The following GARIN1A variants were observed in gnomAD, a reference collection of about 807,000 sequenced individuals.
GARIN1A encodes the protein Golgi-associated RAB2 interactor protein 1A.
the GARIN1A span, among the ~76,000 whole-genome samples, chr7:128,694,659 G>T: frequency 3.3e-5 from 5 of 152,134 alleles, no homozygotes; most frequent in African/African-American, 4.8e-5. Context: ...CTGGTCACAA[G>T]AATTTTTCCT....
At chr7:128,708,352 T>C in the GARIN1A span, among the ~76,000 whole-genome samples, 1 of 152,080 alleles carries the variant, frequency 6.6e-6, no homozygotes, top group South Asian at 2.1e-4. Context: ...TAAGGCTGAG[T>C]GTCTCCTGAA....
the GARIN1A span, among the ~76,000 whole-genome samples, chr7:128,676,346 C>T: frequency 6.6e-6 from 1 of 152,016 alleles, no homozygotes; most frequent in Non-Finnish European, 1.5e-5. Flanking sequence ...AAGCACTGTG[C>T]TTCGTGCTGG....
chr7:128,689,504 C>T, the GARIN1A span, among the ~76,000 whole-genome samples: 1 of 149,328 alleles, frequency 6.7e-6, no homozygotes, highest in African/African-American at 2.5e-5. Context: ...AAGTGAGGAG[C>T]CCCTCCGCCC....
chr7:128,688,694 A>AC, the GARIN1A span, among the ~76,000 whole-genome samples: 3 of 150,138 alleles, frequency 2.0e-5, no homozygotes, highest in Non-Finnish European at 4.4e-5. Flanking sequence ...TCCTCTGAGT[A>AC]CCATTCCTAC....
At chr7:128,677,952 G>C in the GARIN1A span, 1 of 648,242 alleles carries the variant, frequency 1.5e-6, no homozygotes, top group East Asian at 3.1e-5. Context: ...TTTCTATTCA[G>C]TAGTATGAAT....
At chr7:128,686,177 C>T in the GARIN1A span, 1 of 152,172 alleles carries the variant, frequency 6.6e-6, no homozygotes, top group Non-Finnish European at 1.5e-5. Flanking sequence ...GGCGCCACCG[C>T]ACTCCAGCCT....
chr7:128,674,145 G>A, the GARIN1A span, among the ~76,000 whole-genome samples: 1 of 152,046 alleles, frequency 6.6e-6, no homozygotes, highest in Non-Finnish European at 1.5e-5. Context: ...TGCCCGCCTT[G>A]GCCTCCCAAA....
the GARIN1A span, among the ~76,000 whole-genome samples, chr7:128,673,912 T>A: frequency 6.6e-6 from 1 of 152,136 alleles, no homozygotes; most frequent in African/African-American, 2.4e-5. Context: ...TCTCTTAATG[T>A]GTGCTTTTTT....
At chr7:128,707,385 C>T in the GARIN1A span, among the ~76,000 whole-genome samples, 1 of 152,124 alleles carries the variant, frequency 6.6e-6, no homozygotes, top group Non-Finnish European at 1.5e-5. Flanking sequence ...ACTTTGTACT[C>T]TTTGACCATC....
At chr7:128,702,761 A>G in the GARIN1A span, among the ~76,000 whole-genome samples, 1 of 152,248 alleles carries the variant, frequency 6.6e-6, no homozygotes, top group South Asian at 2.1e-4. Context: ...AGAGATTGTC[A>G]GATCAGCTTT....
the GARIN1A span, chr7:128,680,040 A>G: frequency 6.4e-7 from 1 of 1,563,364 alleles, no homozygotes; most frequent in Non-Finnish European, 8.7e-7. Flanking sequence ...GCCTGAAAAC[A>G]GCCTCCTGTC....
the GARIN1A span, among the ~76,000 whole-genome samples, chr7:128,689,667 CT>C: frequency 6.6e-6 from 1 of 150,932 alleles, no homozygotes; most frequent in Non-Finnish European, 1.5e-5. Context: ...TGAGGAGCCC[CT>C]CCGCCCGACA....
At chr7:128,677,605 G>A in the GARIN1A span, 1,562 of 1,612,860 alleles carry the variant, frequency 9.7e-4, 1 homozygote, top group Non-Finnish European at 1.2e-3. Flanking sequence ...ATCTACGACC[G>A]GCTCCAGCGC....
the GARIN1A span, among the ~76,000 whole-genome samples, chr7:128,694,303 G>T: frequency 3.3e-5 from 5 of 151,898 alleles, no homozygotes; most frequent in African/African-American, 4.8e-5. Context: ...AGGCTGAGGC[G>T]GGCGGATCAC....
chr7:128,683,745 G>C, the GARIN1A span: 1 of 152,316 alleles, frequency 6.6e-6, no homozygotes, highest in Non-Finnish European at 1.5e-5. Flanking sequence ...TAGGATTACA[G>C]GCGTGAGCCA....
At chr7:128,702,297 G>A in the GARIN1A span, among the ~76,000 whole-genome samples, 1 of 152,128 alleles carries the variant, frequency 6.6e-6, no homozygotes, top group Non-Finnish European at 1.5e-5. Flanking sequence ...TCTCTAAAAG[G>A]TAAAGCAAAA....
the GARIN1A span, among the ~76,000 whole-genome samples, chr7:128,708,302 T>C: frequency 6.6e-6 from 1 of 151,892 alleles, no homozygotes; most frequent in South Asian, 2.1e-4. Context: ...GTTGGGATTA[T>C]AGGTGTGAGT....
chr7:128,693,108 A>G, the GARIN1A span, among the ~76,000 whole-genome samples: 1 of 152,242 alleles, frequency 6.6e-6, no homozygotes, highest in Admixed American at 6.5e-5. Flanking sequence ...GAACAAATCG[A>G]TTTATTTCCC....
the GARIN1A span, among the ~76,000 whole-genome samples, chr7:128,675,307 C>T: frequency 6.6e-6 from 1 of 152,220 alleles, no homozygotes; most frequent in Non-Finnish European, 1.5e-5. Flanking sequence ...CCTTCTGGGA[C>T]TTTCTTCACA....
Sources: allele counts gnomAD v4.1 joint callset (sites outside exome capture counted in the v4.1 genomes callset), GRCh38; gene constraint gnomAD v4.1.1; transcripts MANE v1.5; gene names NCBI Gene and HGNC (gene_info 2026-07-23, HGNC 2026-07-21).